BRPF3: variants seen among roughly 807,000 people sequenced by gnomAD.
BRPF3 encodes the protein bromodomain and PHD finger containing 3.
A neutral mutation model predicts 102.0 loss-of-function variants in BRPF3; 18 were observed. The observed-to-expected ratio is 0.18, with a 90% CI of 0.12 to 0.26. The LOEUF is 0.26. Ranked by LOEUF, BRPF3 falls within the 10% of genes least tolerant of loss-of-function variation. BRPF3 has a pLI of 1.00. For missense variants in BRPF3, 1,147 were observed against 1,567.8 expected (o/e 0.73, Z 4.53); for synonymous variants, 570 against 614.2 (o/e 0.93, Z 1.06).
chr6:36,200,276 C>A lies in BRPF3; in HGVS notation c.-26-21C>A. 1 of 1,570,116 alleles carries A rather than the reference C, an allele frequency of 6.4e-7. No homozygotes were observed. Among genetic ancestry groups the A allele is most frequent in the South Asian group, 1.2e-5 (1 of 83,662 alleles). On this transcript the variant is annotated intron_variant, in intron 1 of 12. Transcript: ENST00000357641. This position sits in a 1 kb window ranked among gnomAD's most constrained non-coding sequence, Gnocchi z 5.3. ...TGCATAAGGGCATCCAACTCATAGT[C>A]TCCTGGCCTTCTCTCCTTAGGCCTG...
chr6:36,199,219 G>C (rs1013670954), intron 1 of BRPF3, among the ~76,000 whole-genome samples: 5 of 152,172 alleles, frequency 3.3e-5, no homozygotes, highest in Non-Finnish European at 7.3e-5. Context: ...CAGATCAGCG[G>C]CTGCTTTGGA....
Position 36,201,785 on chromosome 6 carries a change from A to T in BRPF3, c.1448+15A>T. On this transcript the variant is annotated intron_variant, in intron 2 of 12. Coordinates refer to ENST00000357641, the MANE Select transcript of BRPF3 (RefSeq NM_015695.3). This position sits in a 1 kb window ranked among gnomAD's most constrained non-coding sequence, Gnocchi z 5.1. ...CCCTCTTACAGGTAAGCATGCCCAG[A>T]AGGGCTCCTTAGGGACTCATGGTTT... is the stretch of plus-strand genomic sequence containing the variant. The T allele has an allele frequency of 1.3e-6, 2 of 1,577,448 alleles. No individual in the cohort carries two copies. The highest frequency in any genetic ancestry group is 1.7e-6 in the Non-Finnish European group (2 of 1,162,138).
In BRPF3 at chr6:36,214,164, G is replaced by A; in HGVS notation, c.2767G>A (p.Val923Met). 2 of 1,614,222 alleles carry A rather than the reference G, an allele frequency of 1.2e-6. No homozygotes were observed. The highest frequency in any genetic ancestry group is 1.7e-6 in the Non-Finnish European group (2 of 1,180,032). ...CCCGGCCGGTACCCCACTTAGTGGT[G>A]TGGGTCGCCGCACATCAGTCCTCTT... ...DTPAGTPLSG[V>M]GRRTSVLFKK... The change falls in exon 8 of 13, where the codon GTG (valine) becomes ATG (methionine). Residue 923 changes from valine (V) to methionine (M), a missense_variant. Transcript: ENST00000357641.
intron 2 of BRPF3, 186 bp from the exon 3 acceptor site, chr6:36,204,472 T>C: frequency 1.6e-6 from 1 of 639,056 alleles, no homozygotes; most frequent in East Asian, 2.8e-5. Flanking sequence ...AAATAACTCA[T>C]GCTGAATCTG....
Position 36,201,893 on chromosome 6 carries a change from T to G in BRPF3, c.1448+123T>G. 82 of 1,400,962 alleles carry G rather than the reference T, an allele frequency of 5.9e-5. No homozygotes were observed. Among genetic ancestry groups the G allele is most frequent in the Non-Finnish European group, 7.4e-5 (78 of 1,048,872 alleles). The allele number at this position is 1,400,962 out of a possible 1,614,324, so 86.8% of individuals were successfully genotyped here. A position where few individuals can be genotyped will look rare whatever the true frequency, so the allele number is the denominator to read the frequency against. Reference sequence around the variant, plus strand: ...TATCCTCCTCCCCGAATTTAAACTCTTCCTTTTGACCCCAGGCTCACCTGG... The same window carrying G: ...TATCCTCCTCCCCGAATTTAAACTCGTCCTTTTGACCCCAGGCTCACCTGG... On this transcript the variant is annotated intron_variant, in intron 2 of 12. Transcript: ENST00000357641. The surrounding 1 kb of genome is among the most constrained non-coding windows in gnomAD (Gnocchi z 5.1).
At chr6:36,208,587 G>C (rs1278223196) in intron 4 of BRPF3, among the ~76,000 whole-genome samples, 2 of 152,166 alleles carry the variant, frequency 1.3e-5, no homozygotes, top group Admixed American at 1.3e-4. Context: ...CCTCCTCATA[G>C]CCTGGGCAGC....
rs201766680 is a variant in BRPF3 at position 36,201,234 on chromosome 6, C to T, written c.912C>T (p.Thr304=). ...TCCCTGAAGTCTGCTTTGCTAACAC[C>T]GTGTTCTTGGAACCTATTGAGGGCA... ...IWIPEVCFAN[T]VFLEPIEGID... is the part of the protein sequence containing the mutation. Residue 304 remains threonine (T), a synonymous_variant, in exon 2 of 13, where the codon ACC becomes ACT. Transcript: ENST00000357641. This position sits in a 1 kb window ranked among gnomAD's most constrained non-coding sequence, Gnocchi z 5.1. 48 of 1,614,138 alleles carry T rather than the reference C, an allele frequency of 3.0e-5. No individual in the cohort carries two copies. The African/African-American group carries it at 3.5e-4, about 12-fold the overall frequency.
Position 36,211,658 on chromosome 6 carries a change from T to A in BRPF3, c.2482+98T>A, listed in dbSNP as rs1429173070. The A allele has an allele frequency of 2.1e-6, 3 of 1,416,580 alleles. No individual in the cohort carries two copies. In the East Asian group the frequency reaches 7.5e-5, roughly 36 times the overall value. The allele number at this position is 1,416,580 out of a possible 1,614,324, so 87.8% of individuals were successfully genotyped here. On this transcript the variant is annotated intron_variant, in intron 7 of 12. Transcript: ENST00000357641. ...TGGGGGTATTCTTTCTGAGTTTAGATCTGACACTTGTGGGCAAGCAAAAGT... is the reference window on the plus strand; with the variant it reads ...TGGGGGTATTCTTTCTGAGTTTAGAACTGACACTTGTGGGCAAGCAAAAGT...
chr6:36,207,762 A>T (rs1387525094), intron 4 of BRPF3, among the ~76,000 whole-genome samples: 1 of 152,130 alleles, frequency 6.6e-6, no homozygotes, highest in Admixed American at 6.5e-5. Context: ...AGCTTCTTAG[A>T]CCATTCTCAT....
At chr6:36,204,624 C>G in intron 2 of BRPF3, 34 bp from the exon 3 acceptor site, 1 of 1,614,030 alleles carries the variant, frequency 6.2e-7, no homozygotes, top group Non-Finnish European at 8.5e-7. Flanking sequence ...TGCCCACTGA[C>G]CTTGTCTTTC....
At chr6:36,198,253 G>A (rs976712148) in intron 1 of BRPF3, among the ~76,000 whole-genome samples, 1 of 152,142 alleles carries the variant, frequency 6.6e-6, no homozygotes, top group African/African-American at 2.4e-5. Flanking sequence ...GGGATTGGAA[G>A]GCCTTTCAAG....
rs1768913492 is a variant in BRPF3, at chr6:36,230,772, A to G, written c.*163A>G. 4 of 883,596 alleles carry G rather than the reference A, an allele frequency of 4.5e-6. No homozygotes were observed. The highest frequency in any genetic ancestry group is 3.6e-5 in the South Asian group (2 of 55,282). The allele number at this position is 883,596 out of a possible 1,614,324, so 54.7% of individuals were successfully genotyped here. On this transcript the variant is annotated 3_prime_UTR_variant, in exon 13 of 13. Transcript: ENST00000357641. The surrounding 1 kb of genome is among the most constrained non-coding windows in gnomAD (Gnocchi z 5.4). ...AAGGGCAAGGCCCCAGTTTTGACCAATCGCATGGTTCTCCTGGCAGGCCTG... is the reference window on the plus strand; with the variant it reads ...AAGGGCAAGGCCCCAGTTTTGACCAGTCGCATGGTTCTCCTGGCAGGCCTG...
chr6:36,206,089 G>A (rs1256293510), intron 3 of BRPF3, among the ~76,000 whole-genome samples: 1 of 152,120 alleles, frequency 6.6e-6, no homozygotes, highest in African/African-American at 2.4e-5. Flanking sequence ...ATGGGTTTTT[G>A]TCTTCATTCT....
In BRPF3 at chr6:36,201,629, G is replaced by A. The variant is rs748052118; in HGVS notation, c.1307G>A (p.Gly436Glu). ...GAAGAAGAGCAGGAAGCTCAAGGCG[G>A]GGTGAGTGGCTCCCTCAAGGGAGTG... ...VEEEEQEAQG[G>E]VSGSLKGVPK... Residue 436 changes from glycine (G) to glutamate (E), a missense_variant, in exon 2 of 13, where the codon GGG becomes GAG. Gly to Glu is a moderately conservative substitution (Grantham distance 98, BLOSUM62 -2). Transcript: ENST00000357641. This position sits in a 1 kb window ranked among gnomAD's most constrained non-coding sequence, Gnocchi z 5.1. 3.2e-5 allele frequency: 51 copies of A among 1,614,162 alleles called. No individual in the cohort carries two copies. The highest frequency in any genetic ancestry group is 4.2e-5 in the Non-Finnish European group (50 of 1,179,984).
At position 36,228,999 on chromosome 6, in the gene BRPF3, A is replaced by C; in HGVS notation, c.3377A>C (p.Gln1126Pro). ...GTGCTGAAGCTGGGAGAGCAGAAACAGGCAGAGGCTGGAGAGAAGCTCTTC... is the reference window on the plus strand; with the variant it reads ...GTGCTGAAGCTGGGAGAGCAGAAACCGGCAGAGGCTGGAGAGAAGCTCTTC... Reference protein sequence around the residue: ...LDVLKLGEQKQAEAGEKLFLV... With the variant: ...LDVLKLGEQKPAEAGEKLFLV... Residue 1126 changes from glutamine to proline, a missense_variant, in exon 12 of 13, where the codon CAG becomes CCG. Coordinates refer to ENST00000357641, the MANE Select transcript of BRPF3 (RefSeq NM_015695.3). 6.2e-7 allele frequency: 1 copy of C among 1,614,246 alleles called. No homozygotes were observed. The highest frequency in any genetic ancestry group is 8.5e-7 in the Non-Finnish European group (1 of 1,180,042).
At chr6:36,221,401 C>T (rs1768538393) in intron 9 of BRPF3, among the ~76,000 whole-genome samples, 1 of 150,958 alleles carries the variant, frequency 6.6e-6, no homozygotes, top group African/African-American at 2.4e-5. Flanking sequence ...ATTCTCCTGC[C>T]TCAGCCTCCT....
intron 3 of BRPF3, 106 bp from the exon 4 acceptor site, chr6:36,207,207 A>C: frequency 6.9e-7 from 1 of 1,453,740 alleles, no homozygotes; most frequent in Admixed American, 2.0e-5. Context: ...CTGTGGGTCA[A>C]GGAAGGGGAC....
rs372776155 is a variant in BRPF3, at chr6:36,204,622, G to A, written c.1449-36G>A. ...CAGGCTGTAATCTGGGCTGCCCACT[G>A]ACCTTGTCTTTCACTTCCGTGTGCC... On this transcript the variant is annotated intron_variant, in intron 2 of 12. Coordinates refer to ENST00000357641, the MANE Select transcript of BRPF3 (RefSeq NM_015695.3). 3.7e-6 allele frequency: 6 copies of A among 1,613,602 alleles called. No individual in the cohort carries two copies. The African/African-American group carries it at 6.7e-5, about 18-fold the overall frequency.
Position 36,200,409 on chromosome 6 carries a change from G to C in BRPF3, c.87G>C (p.Arg29=), listed in dbSNP as rs778487176. ...ACAGTCTCAAGTGCTCACCCACCCG[G>C]GAGACCCTGACATATGCCCAGGCCC... ...SPYSLKCSPT[R]ETLTYAQAQR... The change falls in exon 2 of 13, where the codon CGG becomes CGC. Residue 29 remains arginine (R), a synonymous_variant. Coordinates refer to ENST00000357641, the MANE Select transcript of BRPF3 (RefSeq NM_015695.3). The surrounding 1 kb of genome is among the most constrained non-coding windows in gnomAD (Gnocchi z 5.3). 3.7e-6 allele frequency: 6 copies of C among 1,614,126 alleles called. No homozygotes were observed. Among genetic ancestry groups the C allele is most frequent in the Non-Finnish European group, 4.2e-6 (5 of 1,180,050 alleles).
Sources: gnomAD v4.1 joint callset for allele counts (sites outside exome capture counted in the v4.1 genomes callset) on GRCh38, gnomAD v4.1.1 for gene constraint, Gnocchi (gnomAD v3.1) non-coding constraint, MANE v1.5 for transcripts, NCBI Gene and HGNC (gene_info 2026-07-23, HGNC 2026-07-21) for gene names.